Variants in PCDHGA10 observed in about 807,000 individuals in gnomAD.
PCDHGA10 encodes the protein protocadherin gamma subfamily A, 10.
In PCDHGA10, 42 loss-of-function variants were observed where a neutral mutation model predicts 59.5. The ratio of observed to expected loss-of-function variants is 0.71; its 90% CI spans 0.55 to 0.91. PCDHGA10 has a LOEUF of 0.91. Among genes scored for constraint, PCDHGA10 ranks in the 40% least tolerant of loss-of-function variants. The pLI, the probability that PCDHGA10 is intolerant of heterozygous loss-of-function variation, is 0.00. For synonymous variants in PCDHGA10, 511 were observed against 517.2 expected (o/e 0.99, Z 0.16); for missense variants, 1,111 against 1,198.2 (o/e 0.93, Z 1.07).
At chr5:141,457,439 C>T (rs2098920819) in intron 1 of PCDHGA10, among the ~76,000 whole-genome samples, 1 of 152,194 alleles carries the variant, frequency 6.6e-6, no homozygotes, top group Non-Finnish European at 1.5e-5. Context: ...CACCAAGCTG[C>T]AGAAGATCAC....
In PCDHGA10 at chr5:141,414,117, A is replaced by T. The variant is rs764001135; in HGVS notation, c.942A>T (p.Glu314Asp). ...AAATATCAGAAAATCTAGATTATGAAGAAACCGGTTTCTATGAAATAGAAA... is the reference window on the plus strand; with the variant it reads ...AAATATCAGAAAATCTAGATTATGATGAAACCGGTTTCTATGAAATAGAAA... ...EIKISENLDY[E>D]ETGFYEIEIQ... The change falls in exon 1 of 4, where the codon GAA becomes GAT. Residue 314 changes from glutamate (E) to aspartate (D), a missense_variant. Transcript: ENST00000398610. The T allele has an allele frequency of 1.3e-6, 2 of 1,592,602 alleles. No individual in the cohort carries two copies. Among genetic ancestry groups the T allele is most frequent in the Non-Finnish European group, 1.7e-6 (2 of 1,169,272 alleles).
At chr5:141,460,926 G>A (rs1180507724) in intron 1 of PCDHGA10, among the ~76,000 whole-genome samples, 4 of 145,540 alleles carry the variant, frequency 2.7e-5, no homozygotes, top group African/African-American at 2.6e-5. Flanking sequence ...ATATATATAT[G>A]TGTGTGTGTA....
chr5:141,423,782 C>T (rs1458189260), intron 1 of PCDHGA10: 9 of 1,243,226 alleles, frequency 7.2e-6, no homozygotes, highest in Non-Finnish European at 9.3e-6. Flanking sequence ...ATATTTAGTT[C>T]ATATATATTT....
At chr5:141,506,444 CAAAA>C (rs1219684339) in intron 3 of PCDHGA10, among the ~76,000 whole-genome samples, 5 of 95,022 alleles carry the variant, frequency 5.3e-5, no homozygotes, top group Admixed American at 1.1e-4. Context: ...CGCTCTGTCT[CAAAA>C]AAAAAAAAAA....
intron 1 of PCDHGA10, among the ~76,000 whole-genome samples, chr5:141,456,363 G>A (rs1233146015): frequency 6.6e-6 from 1 of 152,098 alleles, no homozygotes; most frequent in African/African-American, 2.4e-5. Flanking sequence ...GTCCATGTGT[G>A]GTTCAGTTTA....
chr5:141,437,945 C>A (rs1204633193), intron 1 of PCDHGA10, among the ~76,000 whole-genome samples: 1 of 152,112 alleles, frequency 6.6e-6, no homozygotes, highest in Non-Finnish European at 1.5e-5. Flanking sequence ...ACCATATTGG[C>A]CAGAATGGTC....
At chr5:141,502,953 C>G (rs145774277) in intron 2 of PCDHGA10, among the ~76,000 whole-genome samples, 1,594 of 147,762 alleles carry the variant, frequency 0.011, 24 homozygotes, top group African/African-American at 0.037. Context: ...AAGCGATTCT[C>G]CTGCCTCAGC....
intron 1 of PCDHGA10, among the ~76,000 whole-genome samples, chr5:141,484,675 T>C (rs1179759392): frequency 6.6e-6 from 1 of 152,042 alleles, no homozygotes; most frequent in African/African-American, 2.4e-5. Context: ...GGGCCGCAGG[T>C]TGCTAGGGCT....
intron 1 of PCDHGA10, among the ~76,000 whole-genome samples, chr5:141,473,431 G>C (rs541546681): frequency 6.6e-6 from 1 of 152,148 alleles, no homozygotes; most frequent in South Asian, 2.1e-4. Context: ...CAGATACTTT[G>C]CTTATGCAAA....
intron 1 of PCDHGA10, among the ~76,000 whole-genome samples, chr5:141,463,438 C>CTTTTTTTTTTTTT (rs71576115): frequency 9.7e-6 from 1 of 103,256 alleles, no homozygotes; most frequent in Non-Finnish European, 1.9e-5. Context: ...TTTCCTTCTC[C>CTTTTTTTTTTTTT]TTTTTTTTTT....
At chr5:141,466,871 T>G (rs1432611218) in intron 1 of PCDHGA10, among the ~76,000 whole-genome samples, 1 of 152,166 alleles carries the variant, frequency 6.6e-6, no homozygotes, top group Admixed American at 6.5e-5. Flanking sequence ...ATCCACACAT[T>G]TTTTTCATAA....
intron 1 of PCDHGA10, among the ~76,000 whole-genome samples, chr5:141,484,023 G>A (rs67828357): frequency 0.059 from 8,857 of 150,044 alleles, 313 homozygotes; most frequent in South Asian, 0.11. Context: ...GGTGGGGTGA[G>A]ATCAAGTCTC....
At chr5:141,460,993 A>T (rs1230217075) in intron 1 of PCDHGA10, among the ~76,000 whole-genome samples, 1 of 143,898 alleles carries the variant, frequency 6.9e-6, no homozygotes, top group South Asian at 2.2e-4. Flanking sequence ...GTATATATAT[A>T]TATGTGTATA....
intron 1 of PCDHGA10, chr5:141,433,049 C>A (rs1418118305): frequency 6.2e-7 from 1 of 1,614,110 alleles, no homozygotes; most frequent in Admixed American, 1.7e-5. Flanking sequence ...CACGGACTCG[C>A]GGAAGAGTCA....
chr5:141,421,082 C>A, intron 1 of PCDHGA10: 1 of 640,114 alleles, frequency 1.6e-6, no homozygotes, highest in Non-Finnish European at 2.6e-6. Flanking sequence ...TGGATACTCA[C>A]AGATCCTGAC....
At position 141,487,578 on chromosome 5, in the gene PCDHGA10, C is replaced by T. The variant is rs1293087014; in HGVS notation, c.2437-7229C>T. The T allele has an allele frequency of 1.2e-6, 2 of 1,614,052 alleles. No individual in the cohort carries two copies. Among genetic ancestry groups the T allele is most frequent in the Non-Finnish European group, 1.7e-6 (2 of 1,180,044 alleles). ...CCTATGGCAGGGGAGCCTGTTCGCC[C>T]AAGCTGCCCACCCTCTGATCTTCTC... On this transcript the variant is annotated intron_variant, in intron 1 of 3. Coordinates refer to ENST00000398610, the MANE Select transcript of PCDHGA10 (RefSeq NM_018913.3). The surrounding 1 kb of genome is among the most constrained non-coding windows in gnomAD (Gnocchi z 5.0).
chr5:141,498,807 C>G (rs113587634), intron 2 of PCDHGA10, among the ~76,000 whole-genome samples: 1 of 152,030 alleles, frequency 6.6e-6, no homozygotes, highest in Non-Finnish European at 1.5e-5. Flanking sequence ...GTGGTGCACA[C>G]CTGTAGTCCC....
chr5:141,428,354 T>G, intron 1 of PCDHGA10: 1 of 572,018 alleles, frequency 1.7e-6, no homozygotes. Context: ...GCAGTGATTT[T>G]GGCGGTCGCC....
chr5:141,463,266 T>G (rs933899476), intron 1 of PCDHGA10, among the ~76,000 whole-genome samples: 16 of 151,982 alleles, frequency 1.1e-4, no homozygotes, highest in African/African-American at 3.6e-4. Context: ...CTCTATCCCA[T>G]AAATTCTGGC....
Sources: gnomAD v4.1 joint callset for allele counts (sites outside exome capture counted in the v4.1 genomes callset) on GRCh38, gnomAD v4.1.1 for gene constraint, Gnocchi (gnomAD v3.1) non-coding constraint, MANE v1.5 for transcripts, NCBI Gene and HGNC (gene_info 2026-07-23, HGNC 2026-07-21) for gene names.